LIMCH1: variants seen among roughly 807,000 people sequenced by gnomAD.
LIMCH1 encodes the protein LIM and calponin homology domains 1, also known as LIM and calponin homology domains-containing protein 1.
A neutral mutation model predicts 176.5 loss-of-function variants in LIMCH1; 113 were observed. The ratio of observed to expected loss-of-function variants is 0.64; its 90% confidence interval spans 0.55 to 0.75. The LOEUF (loss-of-function observed/expected upper bound fraction) is 0.75, where lower values mean the gene tolerates loss of function less well. Among genes scored for constraint, LIMCH1 ranks in the 30% least tolerant of loss-of-function variants. LIMCH1 has a pLI of 0.00. For missense variants in LIMCH1, 1,674 were observed against 1,814.9 expected, an observed-to-expected ratio of 0.92 and a Z score of 1.41; for synonymous variants, 619 against 645.9, an observed-to-expected ratio of 0.96 and a Z score of 0.63.
chr4:41,425,915 T>G (rs1055996939), intron 1 of LIMCH1, among the ~76,000 whole-genome samples: 11 of 152,108 alleles, frequency 7.2e-5, no homozygotes, highest in Non-Finnish European at 1.5e-4. Context: ...GAGAGTTGGA[T>G]GTCTGAGGTG....
At chr4:41,672,577 C>G (rs1289386449) in intron 22 of LIMCH1, among the ~76,000 whole-genome samples, 1 of 152,030 alleles carries the variant, frequency 6.6e-6, no homozygotes, top group Non-Finnish European at 1.5e-5. Flanking sequence ...GAGTATTTGA[C>G]CAATAATAAC....
chr4:41,619,581 T>C, intron 6 of LIMCH1, 141 bp downstream of exon 6: 1 of 1,101,350 alleles, frequency 9.1e-7, no homozygotes, highest in South Asian at 1.6e-5. Flanking sequence ...GGGACAGATC[T>C]TTGGAGAGAG....
chr4:41,668,592 C>T (rs1560305520), intron 21 of LIMCH1, among the ~76,000 whole-genome samples: 1 of 152,076 alleles, frequency 6.6e-6, no homozygotes, highest in Non-Finnish European at 1.5e-5. Context: ...CATTCTTTAC[C>T]CAAGTCGAAT....
At chr4:41,411,701 C>T (rs746846939) in intron 1 of LIMCH1, among the ~76,000 whole-genome samples, 1 of 151,362 alleles carries the variant, frequency 6.6e-6, no homozygotes, top group Non-Finnish European at 1.5e-5. Flanking sequence ...TGGCTCACGC[C>T]TGTAATACCA....
intron 1 of LIMCH1, among the ~76,000 whole-genome samples, chr4:41,417,160 A>T (rs185460846): frequency 6.6e-6 from 1 of 150,778 alleles, no homozygotes; most frequent in Admixed American, 6.6e-5. Context: ...TGCTATAGGC[A>T]TTGTTTCTTT....
At chr4:41,622,624 C>G (rs1202361181) in intron 7 of LIMCH1, among the ~76,000 whole-genome samples, 1 of 152,164 alleles carries the variant, frequency 6.6e-6, no homozygotes, top group Non-Finnish European at 1.5e-5. Flanking sequence ...TGTGCCACTT[C>G]AGTACCTGGG....
At chr4:41,422,731 T>C (rs2060720687) in intron 1 of LIMCH1, among the ~76,000 whole-genome samples, 1 of 152,152 alleles carries the variant, frequency 6.6e-6, no homozygotes, top group East Asian at 1.9e-4. Flanking sequence ...CTCTAGCAGA[T>C]ACGGACATTT....
intron 7 of LIMCH1, among the ~76,000 whole-genome samples, chr4:41,625,589 A>G (rs912766350): frequency 7.2e-5 from 11 of 152,196 alleles, no homozygotes; most frequent in African/African-American, 2.7e-4. Context: ...GAGTGTCTTC[A>G]AATAGCCAAT....
At chr4:41,686,616 C>T (rs992764550) in intron 28 of LIMCH1, among the ~76,000 whole-genome samples, 1 of 152,226 alleles carries the variant, frequency 6.6e-6, no homozygotes, top group African/African-American at 2.4e-5. Context: ...GACTCAGCCA[C>T]TTGCCTACAT....
intron 1 of LIMCH1, among the ~76,000 whole-genome samples, chr4:41,470,438 T>G (rs902417438): frequency 6.6e-5 from 10 of 152,210 alleles, no homozygotes; most frequent in African/African-American, 2.4e-4. Context: ...CTTTCCTATG[T>G]GAGGGACTTC....
chr4:41,682,082 C>T (rs1673901482), intron 25 of LIMCH1, among the ~76,000 whole-genome samples: 1 of 152,198 alleles, frequency 6.6e-6, no homozygotes, highest in South Asian at 2.1e-4. Flanking sequence ...ATGAGCGGTC[C>T]TATGACTGTT....
intron 1 of LIMCH1, among the ~76,000 whole-genome samples, chr4:41,557,528 T>TA (rs1311274639): frequency 1.4e-5 from 2 of 148,062 alleles, no homozygotes; most frequent in Non-Finnish European, 2.9e-5. Flanking sequence ...GTGTGTGTTT[T>TA]AAAAATCTTT....
chr4:41,524,405 A>T (rs539140985), intron 2 of LIMCH1: 1 of 1,613,176 alleles, frequency 6.2e-7, no homozygotes, highest in South Asian at 1.1e-5. Flanking sequence ...CTTTTTCATG[A>T]CAGGTTGCTG....
chr4:41,404,478 T>TA (rs1011951760), intron 1 of LIMCH1, among the ~76,000 whole-genome samples: 7 of 152,022 alleles, frequency 4.6e-5, no homozygotes, highest in East Asian at 1.9e-4. Context: ...TATTTTCTTT[T>TA]AAAAAAATTG....
intron 1 of LIMCH1, among the ~76,000 whole-genome samples, chr4:41,573,683 C>T (rs1333988271): frequency 6.6e-6 from 1 of 152,132 alleles, no homozygotes; most frequent in East Asian, 1.9e-4. Context: ...TTGTGATGAG[C>T]AATACTGCAC....
intron 1 of LIMCH1, among the ~76,000 whole-genome samples, chr4:41,553,292 C>T (rs934825176): frequency 5.3e-5 from 8 of 152,138 alleles, no homozygotes; most frequent in African/African-American, 1.7e-4. Context: ...TTCAGTTTAG[C>T]ATGGTAGGTG....
intron 2 of LIMCH1, among the ~76,000 whole-genome samples, chr4:41,495,104 A>G (rs1053919410): frequency 1.3e-5 from 2 of 152,238 alleles, no homozygotes; most frequent in Non-Finnish European, 2.9e-5. Context: ...AATGTGAACA[A>G]TAACTACAGT....
Position 41,573,086 on chromosome 4 carries a change from C to T in LIMCH1, c.-240-25834C>T, listed in dbSNP as rs375878975. 4.2e-4 allele frequency among the ~76,000 whole-genome samples: 64 copies of T among 152,302 alleles called. 1 individual carries two copies. In the South Asian group the frequency reaches 7.2e-3, roughly 17 times the overall value. On this transcript the variant is annotated intron_variant, in intron 1 of 31. Coordinates refer to ENST00000503057, the MANE Select transcript of LIMCH1 (RefSeq NM_001330672.2). ...TGGCAATCAGCCTCTCCTACCAAAA[C>T]GATGGCTTTGAAGTTTACTGTCGTG...
intron 5 of LIMCH1, among the ~76,000 whole-genome samples, chr4:41,613,996 A>G (rs1251265103): frequency 2.6e-5 from 4 of 152,160 alleles, no homozygotes; most frequent in Admixed American, 2.6e-4. Flanking sequence ...AGGTTTATAT[A>G]CTCTGGGCAT....
Sources: allele counts gnomAD v4.1 joint callset (sites outside exome capture counted in the v4.1 genomes callset), GRCh38; gene constraint gnomAD v4.1.1; transcripts MANE v1.5; gene names NCBI Gene and HGNC (gene_info 2026-07-23, HGNC 2026-07-21).